Variants in SV2C observed in about 807,000 individuals in gnomAD.
The protein encoded by SV2C is solute carrier family 22 member B3.
A neutral mutation model predicts 79.7 loss-of-function variants in SV2C; 49 were observed. That is an observed-to-expected ratio of 0.61 (90% CI 0.49 to 0.78). The LOEUF (loss-of-function observed/expected upper bound fraction) is 0.78, where lower values mean the gene tolerates loss of function less well. Ranked by LOEUF, SV2C falls within the 30% of genes least tolerant of loss-of-function variation. The pLI, the probability that SV2C is intolerant of heterozygous loss-of-function variation, is 0.00. For synonymous variants in SV2C, 334 were observed against 333.2 expected (o/e 1.00, Z -0.03); for missense variants, 833 against 912.9 (o/e 0.91, Z 1.13).
intron 12 of SV2C, among the ~76,000 whole-genome samples, chr5:76,341,464 G>A (rs1749440949): frequency 6.6e-6 from 1 of 152,202 alleles, no homozygotes; most frequent in Admixed American, 6.5e-5. Flanking sequence ...TTATGCAAAT[G>A]GAGGTGCCGG....
intron 4 of SV2C, among the ~76,000 whole-genome samples, chr5:76,251,423 A>G (rs981722691): frequency 2.0e-5 from 3 of 152,124 alleles, no homozygotes; most frequent in African/African-American, 7.2e-5. Flanking sequence ...GTGGCAGCTC[A>G]TACCTGTCAT....
chr5:75,887,291 A>G, the SV2C span, among the ~76,000 whole-genome samples: 1,874 of 152,130 alleles, frequency 0.012, 54 homozygotes, highest in African/African-American at 0.043. Flanking sequence ...ATGATATTAT[A>G]TAATAGATTG....
chr5:76,246,760 C>T (rs1745958722), intron 4 of SV2C, among the ~76,000 whole-genome samples: 1 of 152,174 alleles, frequency 6.6e-6, no homozygotes, highest in African/African-American at 2.4e-5. Flanking sequence ...TCCCCATAGA[C>T]ACTAAGACTC....
chr5:75,911,647 C>T, the SV2C span: 1 of 699,600 alleles, frequency 1.4e-6, no homozygotes, highest in African/African-American at 1.8e-5. Flanking sequence ...CAATCAGAAC[C>T]CCGAAGAACT....
At chr5:76,232,337 A>G (rs1745445854) in intron 4 of SV2C, among the ~76,000 whole-genome samples, 1 of 151,008 alleles carries the variant, frequency 6.6e-6, no homozygotes, top group Admixed American at 6.6e-5. Context: ...TCTGGATATT[A>G]GCCCTTTGTC....
chr5:75,989,291 T>A, the SV2C span, among the ~76,000 whole-genome samples: 1 of 151,692 alleles, frequency 6.6e-6, no homozygotes, highest in Non-Finnish European at 1.5e-5. Flanking sequence ...TTCTTCTTGA[T>A]GCTGTCCCTC....
the SV2C span, among the ~76,000 whole-genome samples, chr5:75,881,226 T>A: frequency 1.3e-5 from 2 of 152,126 alleles, no homozygotes. Flanking sequence ...CCAAACCATA[T>A]CACCATTCAT....
At chr5:76,266,843 A>G (rs1746674661) in intron 4 of SV2C, among the ~76,000 whole-genome samples, 1 of 152,216 alleles carries the variant, frequency 6.6e-6, no homozygotes, top group Non-Finnish European at 1.5e-5. Flanking sequence ...TTTTATCACA[A>G]TGAAAACAAA....
chr5:76,080,662 G>A (rs899702734), upstream of SV2C, among the ~76,000 whole-genome samples: 3 of 152,154 alleles, frequency 2.0e-5, no homozygotes, highest in African/African-American at 7.2e-5. Context: ...TGCTCATTAG[G>A]TGTCTTTCAC....
At chr5:76,095,132 A>G (rs1366091793) in intron 1 of SV2C, among the ~76,000 whole-genome samples, 1 of 152,018 alleles carries the variant, frequency 6.6e-6, no homozygotes, top group African/African-American at 2.4e-5. Context: ...AAAATGAAAT[A>G]TATAGTTTCA....
the SV2C span, among the ~76,000 whole-genome samples, chr5:76,045,406 G>C: frequency 5.3e-5 from 8 of 152,034 alleles, no homozygotes; most frequent in African/African-American, 1.9e-4. Flanking sequence ...GCTCTTTTTG[G>C]GTTTCATATG....
chr5:76,301,628 G>A, intron 12 of SV2C, 83 bp downstream of exon 12: 2 of 1,492,628 alleles, frequency 1.3e-6, no homozygotes, highest in Non-Finnish European at 1.8e-6. Flanking sequence ...ACCCAAACTG[G>A]CTGGGCACGG....
At chr5:76,287,712 T>C (rs560894308) in intron 6 of SV2C, among the ~76,000 whole-genome samples, 2 of 152,344 alleles carry the variant, frequency 1.3e-5, no homozygotes, top group Non-Finnish European at 2.9e-5. Flanking sequence ...AAAGCCAGTA[T>C]AAATTAATTT....
the SV2C span, among the ~76,000 whole-genome samples, chr5:76,028,068 T>TG: frequency 6.6e-6 from 1 of 152,190 alleles, no homozygotes; most frequent in African/African-American, 2.4e-5. Context: ...CTGCAAAATG[T>TG]GGGCGCCTTG....
At chr5:76,091,138 A>G (rs1747363392) in intron 1 of SV2C, among the ~76,000 whole-genome samples, 1 of 152,236 alleles carries the variant, frequency 6.6e-6, no homozygotes, top group South Asian at 2.1e-4. Flanking sequence ...TACTCCAGTC[A>G]ATGCATATTA....
intron 3 of SV2C, 35 bp downstream of exon 3, chr5:76,195,134 G>A: frequency 6.3e-7 from 1 of 1,595,178 alleles, no homozygotes. Context: ...ATAGTAATGT[G>A]TTTATTCTTC....
chr5:76,209,950 T>G, intron 4 of SV2C, 63 bp downstream of exon 4: 1 of 1,525,926 alleles, frequency 6.6e-7, no homozygotes, highest in Non-Finnish European at 8.8e-7. Context: ...TCCATTCCCA[T>G]CTTCTTCCTC....
intron 3 of SV2C, among the ~76,000 whole-genome samples, chr5:76,199,079 A>G (rs111629524): frequency 0.013 from 1,998 of 152,338 alleles, 44 homozygotes; most frequent in African/African-American, 0.043. Context: ...GGCATATCGT[A>G]TTTAAACCCT....
At chr5:76,304,101 A>T (rs1397674825) in intron 12 of SV2C, among the ~76,000 whole-genome samples, 2 of 152,134 alleles carry the variant, frequency 1.3e-5, no homozygotes, top group South Asian at 4.1e-4. Context: ...GTGGGAAAAC[A>T]CCTCTGTGCA....
Sources: gnomAD v4.1 joint callset for allele counts (sites outside exome capture counted in the v4.1 genomes callset) on GRCh38, gnomAD v4.1.1 for gene constraint, MANE v1.5 for transcripts, NCBI Gene and HGNC (gene_info 2026-07-23, HGNC 2026-07-21) for gene names.